The following ERGIC1 variants were observed in gnomAD, a reference collection of about 807,000 sequenced individuals.
The protein encoded by ERGIC1 is endoplasmic reticulum-Golgi intermediate compartment protein 1.
In ERGIC1, 19 loss-of-function variants were observed where a neutral mutation model predicts 38.3. That is an observed-to-expected ratio of 0.50 (90% CI 0.35 to 0.73). ERGIC1 has a LOEUF of 0.73. Among genes scored for constraint, ERGIC1 ranks in the 30% least tolerant of loss-of-function variants. The probability of loss-of-function intolerance (pLI) is 0.01; values close to 1 mark genes in which losing one functional copy is unlikely to be tolerated. For missense variants in ERGIC1, 294 were observed against 389.2 expected (o/e 0.76, Z 2.06); for synonymous variants, 124 against 157.6 (o/e 0.79, Z 1.60).
At chr5:172,885,988 G>T (rs191563965) in intron 1 of ERGIC1, among the ~76,000 whole-genome samples, 1 of 152,072 alleles carries the variant, frequency 6.6e-6, no homozygotes, top group South Asian at 2.1e-4. Flanking sequence ...TCCTGAGCCC[G>T]CATCTCTACC....
At chr5:172,892,547 A>G (rs1436689891) in intron 2 of ERGIC1, among the ~76,000 whole-genome samples, 1 of 152,138 alleles carries the variant, frequency 6.6e-6, no homozygotes, top group Non-Finnish European at 1.5e-5. Context: ...TGGCCGTACC[A>G]GGTTTCCTAC....
At position 172,926,770 on chromosome 5, in the gene ERGIC1, A is replaced by G; in HGVS notation, c.541+201A>G. 1.7e-6 allele frequency: 1 copy of G among 602,494 alleles called. No homozygotes were observed. Among genetic ancestry groups the G allele is most frequent in the Non-Finnish European group, 2.9e-6 (1 of 339,014 alleles). The allele number at this position is 602,494 out of a possible 1,614,324, so 37.3% of individuals were successfully genotyped here. A position where few individuals can be genotyped will look rare whatever the true frequency, so the allele number is the denominator to read the frequency against. On this transcript the variant is annotated intron_variant, in intron 7 of 9. Coordinates refer to ENST00000393784, the MANE Select transcript of ERGIC1 (RefSeq NM_001031711.3). This position sits in a 1 kb window ranked among gnomAD's most constrained non-coding sequence, Gnocchi z 5.2. Reference sequence around the variant, plus strand: ...AGACCCAGACCCTGATGGAGAAGGAAGAAGGCTTGTCCCGGGGCACAGCAG... The same window carrying G: ...AGACCCAGACCCTGATGGAGAAGGAGGAAGGCTTGTCCCGGGGCACAGCAG...
chr5:172,878,119 C>T (rs919334430), intron 1 of ERGIC1, among the ~76,000 whole-genome samples: 1 of 152,130 alleles, frequency 6.6e-6, no homozygotes, highest in Non-Finnish European at 1.5e-5. Context: ...AGGGTTATCA[C>T]GGATGGGAGA....
intron 1 of ERGIC1, among the ~76,000 whole-genome samples, chr5:172,863,355 G>A (rs1761767479): frequency 1.3e-5 from 2 of 152,192 alleles, no homozygotes; most frequent in Non-Finnish European, 1.5e-5. Context: ...AAAGAAAAGT[G>A]GAAAAATAAT....
intron 7 of ERGIC1, chr5:172,931,186 G>C (rs924288268): frequency 2.0e-5 from 3 of 152,188 alleles, no homozygotes; most frequent in Non-Finnish European, 4.4e-5. Context: ...ACCCGAGATT[G>C]TGGAAGGCCC....
chr5:172,941,723 A>T (rs116079739), intron 9 of ERGIC1, among the ~76,000 whole-genome samples: 2,947 of 152,364 alleles, frequency 0.019, 40 homozygotes, highest in Non-Finnish European at 0.029. Flanking sequence ...GTGAATATGC[A>T]TGGTGAAATC....
At chr5:172,847,663 C>T (rs554570180) in intron 1 of ERGIC1, among the ~76,000 whole-genome samples, 137 of 152,162 alleles carry the variant, frequency 9.0e-4, no homozygotes, top group African/African-American at 3.1e-3. Flanking sequence ...TACAGGTGCG[C>T]GCCACCACAC....
At chr5:172,865,130 C>T (rs556843777) in intron 1 of ERGIC1, among the ~76,000 whole-genome samples, 18 of 149,258 alleles carry the variant, frequency 1.2e-4, no homozygotes, top group Admixed American at 2.0e-4. Flanking sequence ...TCTCGGCTCA[C>T]GGCACCCTCT....
At chr5:172,872,151 C>T (rs1274341570) in intron 1 of ERGIC1, among the ~76,000 whole-genome samples, 5 of 152,090 alleles carry the variant, frequency 3.3e-5, no homozygotes, top group African/African-American at 1.2e-4. Context: ...AGAGTAACCT[C>T]GGGCCTCAGG....
chr5:172,911,128 T>C (rs1445711327), intron 4 of ERGIC1, among the ~76,000 whole-genome samples: 1 of 151,996 alleles, frequency 6.6e-6, no homozygotes, highest in Non-Finnish European at 1.5e-5. Context: ...CACCCCCTCT[T>C]CCTGTTAAAG....
intron 1 of ERGIC1, among the ~76,000 whole-genome samples, chr5:172,881,643 T>C (rs1762286850): frequency 6.6e-6 from 1 of 152,224 alleles, no homozygotes; most frequent in Non-Finnish European, 1.5e-5. Context: ...ATGGGCCTGA[T>C]TTGTCCCCAC....
In ERGIC1 at chr5:172,950,741, C is replaced by T. The variant is rs185812637; in HGVS notation, c.798C>T (p.Val266=). 5.5e-5 allele frequency: 88 copies of T among 1,613,152 alleles called. No homozygotes were observed. In the East Asian group the frequency reaches 1.5e-3, roughly 28 times the overall value. ...CCATCATTGGCGGGACCTTCACCGT[C>T]GCCGGCATCCTGGACTCATGCATCT... ...ICAIIGGTFT[V]AGILDSCIFT... is the part of the protein sequence containing the mutation. Residue 266 remains valine, a synonymous_variant, in exon 10 of 10, where the codon GTC becomes GTT. Coordinates refer to ENST00000393784, the MANE Select transcript of ERGIC1 (RefSeq NM_001031711.3).
intron 2 of ERGIC1, among the ~76,000 whole-genome samples, chr5:172,893,902 T>C (rs11955393): frequency 3.0e-4 from 11 of 36,426 alleles, no homozygotes; most frequent in African/African-American, 6.8e-4. Context: ...TATATATATA[T>C]ATATGTGTGT....
intron 5 of ERGIC1, among the ~76,000 whole-genome samples, chr5:172,923,777 C>T (rs138608130): frequency 3.7e-4 from 56 of 152,336 alleles, no homozygotes; most frequent in African/African-American, 1.3e-3. Flanking sequence ...CCAGATAGTC[C>T]TGGCAGCCCC....
chr5:172,904,051 G>A (rs1356507160), intron 3 of ERGIC1, among the ~76,000 whole-genome samples: 3 of 152,092 alleles, frequency 2.0e-5, no homozygotes, highest in African/African-American at 7.2e-5. Flanking sequence ...CCAACAGCTT[G>A]ACCTGGCAGT....
chr5:172,878,828 G>GCACATACACACACATA (rs1347202839), intron 1 of ERGIC1, among the ~76,000 whole-genome samples: 2 of 152,130 alleles, frequency 1.3e-5, no homozygotes, highest in Non-Finnish European at 2.9e-5. Flanking sequence ...ACATACACTA[G>GCACATACACACACATA]CACAGCCCCC....
chr5:172,950,050 A>G (rs908270011), intron 9 of ERGIC1, among the ~76,000 whole-genome samples: 2 of 152,250 alleles, frequency 1.3e-5, no homozygotes, highest in Middle Eastern at 3.4e-3. Context: ...TCCAGCCTGG[A>G]AGACAGAAAA....
chr5:172,914,250 A>ATAAAT (rs1322007149), intron 4 of ERGIC1, among the ~76,000 whole-genome samples: 1,190 of 100,636 alleles, frequency 0.012, 24 homozygotes, highest in African/African-American at 0.057. Context: ...AAAAAAAAAA[A>ATAAAT]AAAAAAATAC....
rs1026432093 is a variant in ERGIC1, at chr5:172,926,647, TG to T, written c.541+83del. On this transcript the variant is annotated intron_variant, in intron 7 of 9. Transcript: ENST00000393784. This position sits in a 1 kb window ranked among gnomAD's most constrained non-coding sequence, Gnocchi z 5.2. The stretch of plus-strand genomic sequence containing the variant: ...GGCAGGGAGGGGGAGGGCAGAGAGG[TG>T]GGGGTGCCTGTCCAGCACCCACTCC... 112 of 1,518,332 alleles carry T rather than the reference TG, an allele frequency of 7.4e-5. No homozygotes were observed. The highest frequency in any genetic ancestry group is 9.7e-5 in the Non-Finnish European group (107 of 1,105,120). The allele number at this position is 1,518,332 out of a possible 1,614,324, so 94.1% of individuals were successfully genotyped here.
Sources: allele counts gnomAD v4.1 joint callset (sites outside exome capture counted in the v4.1 genomes callset), GRCh38; gene constraint gnomAD v4.1.1; non-coding constraint Gnocchi (gnomAD v3.1); transcripts MANE v1.5; gene names NCBI Gene and HGNC (gene_info 2026-07-23, HGNC 2026-07-21).